HS2ST1: variants seen among roughly 807,000 people sequenced by gnomAD.
HS2ST1 encodes the protein heparan sulfate 2-O-sulfotransferase 1.
HS2ST1 carries 18 observed loss-of-function variants against 42.9 expected under a neutral mutation model. That is an observed-to-expected ratio of 0.42 (90% CI 0.29 to 0.62). HS2ST1 has a LOEUF of 0.62. Among genes scored for constraint, HS2ST1 ranks in the 20% least tolerant of loss-of-function variants. HS2ST1 has a pLI of 0.21. For missense variants in HS2ST1, 334 were observed against 433.8 expected, an observed-to-expected ratio of 0.77 and a Z score of 2.04; for synonymous variants, 146 against 152.9, an observed-to-expected ratio of 0.95 and a Z score of 0.33.
intron 1 of HS2ST1, among the ~76,000 whole-genome samples, chr1:86,923,657 A>G (rs188844283): frequency 0.012 from 1,797 of 152,270 alleles, 72 homozygotes; most frequent in Admixed American, 0.057. Flanking sequence ...TGGCCTCCCA[A>G]AGTGCTGGGA....
chr1:86,977,906 G>C (rs1359454174), intron 1 of HS2ST1, among the ~76,000 whole-genome samples: 2 of 152,216 alleles, frequency 1.3e-5, no homozygotes, highest in Admixed American at 6.5e-5. Context: ...GTACAGTCAT[G>C]TACCACATAA....
At chr1:86,944,430 C>G (rs1647268823) in intron 1 of HS2ST1, among the ~76,000 whole-genome samples, 1 of 152,168 alleles carries the variant, frequency 6.6e-6, no homozygotes, top group African/African-American at 2.4e-5. Flanking sequence ...TCTTGACTTA[C>G]TGCAACCTCC....
chr1:86,949,734 C>T (rs977429217), intron 1 of HS2ST1, among the ~76,000 whole-genome samples: 6 of 152,168 alleles, frequency 3.9e-5, no homozygotes, highest in African/African-American at 1.2e-4. Context: ...GTCGATGGTG[C>T]AGAACATTTT....
chr1:86,942,809 C>G (rs979634354), intron 1 of HS2ST1, among the ~76,000 whole-genome samples: 2 of 152,138 alleles, frequency 1.3e-5, no homozygotes, highest in Non-Finnish European at 1.5e-5. Flanking sequence ...ACCACCACCA[C>G]CAGCATCTCA....
At chr1:86,920,722 G>C (rs766888117) in intron 1 of HS2ST1, among the ~76,000 whole-genome samples, 1 of 152,116 alleles carries the variant, frequency 6.6e-6, no homozygotes, top group Non-Finnish European at 1.5e-5. Flanking sequence ...TCATAATCAT[G>C]GTTCACTATA....
chr1:86,971,745 C>G (rs576651505), intron 1 of HS2ST1, among the ~76,000 whole-genome samples: 1 of 151,630 alleles, frequency 6.6e-6, no homozygotes, highest in Non-Finnish European at 1.5e-5. Context: ...TGTTTTTGAT[C>G]AAGAATTTGT....
At chr1:86,944,096 G>A (rs1283244083) in intron 1 of HS2ST1, among the ~76,000 whole-genome samples, 1 of 152,058 alleles carries the variant, frequency 6.6e-6, no homozygotes, top group African/African-American at 2.4e-5. Flanking sequence ...GGTGGGTAGG[G>A]GGTGATAAAT....
chr1:87,100,908 A>G (rs1217296407), intron 5 of HS2ST1, among the ~76,000 whole-genome samples: 2 of 152,138 alleles, frequency 1.3e-5, no homozygotes, highest in African/African-American at 2.4e-5. Context: ...CCCTGTCTTT[A>G]AAACAAAAAA....
intron 1 of HS2ST1, among the ~76,000 whole-genome samples, chr1:87,071,452 C>T (rs1004889463): frequency 2.6e-5 from 4 of 152,016 alleles, no homozygotes; most frequent in African/African-American, 4.8e-5. Flanking sequence ...AAAAGATAGC[C>T]GGGCGTAGGG....
chr1:87,012,094 A>G (rs1026756902), intron 1 of HS2ST1, among the ~76,000 whole-genome samples: 5 of 152,192 alleles, frequency 3.3e-5, no homozygotes, highest in African/African-American at 1.2e-4. Flanking sequence ...AATGTCCACT[A>G]ATGCTTAAGG....
In HS2ST1 at chr1:87,106,757, C is replaced by T. The variant is rs565233502; in HGVS notation, c.*2061C>T. 1.2e-3 allele frequency: 185 copies of T among 151,970 alleles called. 1 individual carries two copies. The highest frequency in any genetic ancestry group is 4.1e-3 in the African/African-American group (172 of 41,496). 9.4% of individuals were successfully genotyped at this position (151,970 alleles called of 1,614,324 possible). The stretch of plus-strand genomic sequence containing the variant: ...TGAAAGTGTATACAAATTATTTCCT[C>T]GCCCAAAATAAAGCACCACTTCAAG... On this transcript the variant is annotated 3_prime_UTR_variant, in exon 7 of 7. Coordinates refer to ENST00000370550, the MANE Select transcript of HS2ST1 (RefSeq NM_012262.4).
chr1:87,042,659 C>G (rs1364956278), intron 1 of HS2ST1, among the ~76,000 whole-genome samples: 1 of 152,006 alleles, frequency 6.6e-6, no homozygotes, highest in Non-Finnish European at 1.5e-5. Context: ...AGGCCCTTTT[C>G]TTTCAGAAAA....
intron 1 of HS2ST1, among the ~76,000 whole-genome samples, chr1:86,988,061 G>A (rs1648842001): frequency 6.6e-6 from 1 of 152,162 alleles, no homozygotes; most frequent in African/African-American, 2.4e-5. Flanking sequence ...CATTTGCAGT[G>A]GGGATGAAGA....
intron 1 of HS2ST1, among the ~76,000 whole-genome samples, chr1:86,982,213 A>G (rs1648616381): frequency 6.6e-6 from 1 of 152,162 alleles, no homozygotes; most frequent in African/African-American, 2.4e-5. Flanking sequence ...CCAGCTGATG[A>G]TACCACTGTT....
intron 1 of HS2ST1, among the ~76,000 whole-genome samples, chr1:86,980,008 C>T (rs549378140): frequency 4.9e-4 from 75 of 152,230 alleles, no homozygotes; most frequent in African/African-American, 1.8e-3. Flanking sequence ...ATATAAAAGA[C>T]AAATTACTTA....
At chr1:87,101,169 T>G (rs1435394277) in intron 5 of HS2ST1, among the ~76,000 whole-genome samples, 3 of 124,120 alleles carry the variant, frequency 2.4e-5, no homozygotes, top group African/African-American at 6.0e-5. Context: ...TTTTTTTTTT[T>G]TTTTTTTTTT....
chr1:87,102,500 G>A (rs1326626048), intron 5 of HS2ST1, among the ~76,000 whole-genome samples: 1 of 152,136 alleles, frequency 6.6e-6, no homozygotes, highest in Non-Finnish European at 1.5e-5. Context: ...CTCCAACACT[G>A]GGAATCACAT....
chr1:87,089,152 T>C (rs961706652), intron 3 of HS2ST1, among the ~76,000 whole-genome samples: 5 of 152,082 alleles, frequency 3.3e-5, no homozygotes, highest in Admixed American at 1.3e-4. Flanking sequence ...TTAACCATTA[T>C]TGTTGTTCAT....
intron 1 of HS2ST1, among the ~76,000 whole-genome samples, chr1:87,010,673 T>A (rs1649573112): frequency 6.6e-6 from 1 of 152,220 alleles, no homozygotes; most frequent in African/African-American, 2.4e-5. Flanking sequence ...TTTGAAATAT[T>A]TTGAAGTACC....
Sources: gnomAD v4.1 joint callset for allele counts (sites outside exome capture counted in the v4.1 genomes callset) on GRCh38, gnomAD v4.1.1 for gene constraint, MANE v1.5 for transcripts, NCBI Gene and HGNC (gene_info 2026-07-23, HGNC 2026-07-21) for gene names.